The following TANGO6 variants were observed in gnomAD, a reference collection of about 807,000 sequenced individuals.
TANGO6 encodes transport and Golgi organization protein 6 homolog.
TANGO6 carries 90 observed loss-of-function variants against 114.2 expected under a neutral mutation model. The ratio of observed to expected loss-of-function variants is 0.79; its 90% CI spans 0.66 to 0.94. TANGO6 has a LOEUF of 0.94. Ranked by LOEUF, TANGO6 falls within the 40% of genes least tolerant of loss-of-function variation. The pLI, the probability that TANGO6 is intolerant of heterozygous loss-of-function variation, is 0.00. For synonymous variants in TANGO6, 477 were observed against 509.8 expected, an observed-to-expected ratio of 0.94 and a Z score of 0.87; for missense variants, 1,274 against 1,315.3, an observed-to-expected ratio of 0.97 and a Z score of 0.49.
chr16:68,959,079 G>A (rs1379750655), intron 14 of TANGO6, among the ~76,000 whole-genome samples: 4 of 152,196 alleles, frequency 2.6e-5, no homozygotes. Context: ...TATAGGCAGA[G>A]TGTTTATGTG....
At chr16:68,934,375 T>C (rs1481238406) in intron 14 of TANGO6, among the ~76,000 whole-genome samples, 1 of 152,174 alleles carries the variant, frequency 6.6e-6, no homozygotes, top group Non-Finnish European at 1.5e-5. Context: ...AAAAATTTTG[T>C]ATATCTCCTA....
chr16:68,862,764 T>C (rs1284439189), intron 2 of TANGO6, among the ~76,000 whole-genome samples, 181 bp from the exon 3 acceptor site: 1 of 152,100 alleles, frequency 6.6e-6, no homozygotes, highest in Admixed American at 6.6e-5. Flanking sequence ...GTGAGCGAGA[T>C]GGAGAGAGGA....
intron 14 of TANGO6, among the ~76,000 whole-genome samples, chr16:68,949,977 A>G (rs1180159211): frequency 6.6e-6 from 1 of 152,230 alleles, no homozygotes; most frequent in African/African-American, 2.4e-5. Flanking sequence ...GGAATGAACT[A>G]TTGATTCATA....
At chr16:69,069,451 A>T (rs758384551) in intron 17 of TANGO6, among the ~76,000 whole-genome samples, 1 of 152,214 alleles carries the variant, frequency 6.6e-6, no homozygotes, top group Non-Finnish European at 1.5e-5. Flanking sequence ...TGACAGATTC[A>T]TACCACACCT....
At chr16:68,884,647 G>T (rs950605369) in intron 7 of TANGO6, among the ~76,000 whole-genome samples, 1 of 152,086 alleles carries the variant, frequency 6.6e-6, no homozygotes, top group African/African-American at 2.4e-5. Context: ...AAGACTAATT[G>T]TGACTAAATT....
At position 69,066,371 on chromosome 16, in the gene TANGO6, T is replaced by C. The variant is rs552429996; in HGVS notation, c.3109-17114T>C. ...GTGCAATGGCGTGATCTTGGCTCGCTGCAACCTCTGCCTCCCAGGTTCAAG... is the reference window on the plus strand; with the variant it reads ...GTGCAATGGCGTGATCTTGGCTCGCCGCAACCTCTGCCTCCCAGGTTCAAG... On this transcript the variant is annotated intron_variant, in intron 17 of 17. Coordinates refer to ENST00000261778, the MANE Select transcript of TANGO6 (RefSeq NM_024562.2). Among the ~76,000 whole-genome samples, 8 of 152,296 alleles carry C rather than the reference T, an allele frequency of 5.3e-5. No homozygotes were observed. The South Asian group carries it at 1.7e-3, about 32-fold the overall frequency.
chr16:68,914,840 G>T (rs1009844924), intron 11 of TANGO6, among the ~76,000 whole-genome samples: 1 of 151,426 alleles, frequency 6.6e-6, no homozygotes, highest in African/African-American at 2.4e-5. Context: ...AGATGGCAAT[G>T]ATTGTTGGCT....
At chr16:68,984,053 A>G (rs1004368780) in intron 15 of TANGO6, among the ~76,000 whole-genome samples, 1 of 151,990 alleles carries the variant, frequency 6.6e-6, no homozygotes, top group Non-Finnish European at 1.5e-5. Context: ...AAAAAAAAAA[A>G]AGAAAAATAG....
In TANGO6 at chr16:68,843,605, T is replaced by G. The variant is rs774815240; in HGVS notation, c.-13T>G. 1 of 1,612,574 alleles carries G rather than the reference T, an allele frequency of 6.2e-7. No individual in the cohort carries two copies. The highest frequency in any genetic ancestry group is 1.7e-5 in the Admixed American group (1 of 59,954). ...GCCTGAGCGGGTCGCGAGCGTGGTG[T>G]TACACTCCAGTCATGGCGGCCCGAC... On this transcript the variant is annotated 5_prime_UTR_variant, in exon 1 of 18. Coordinates refer to ENST00000261778, the MANE Select transcript of TANGO6 (RefSeq NM_024562.2).
intron 13 of TANGO6, among the ~76,000 whole-genome samples, chr16:68,928,363 G>C (rs1963198018): frequency 7.3e-6 from 1 of 137,134 alleles, no homozygotes; most frequent in Non-Finnish European, 1.5e-5. Context: ...GGAGTGCAGT[G>C]GTGCAATCTC....
chr16:69,005,915 T>G (rs371105397), intron 15 of TANGO6, among the ~76,000 whole-genome samples: 1 of 152,240 alleles, frequency 6.6e-6, no homozygotes, highest in African/African-American at 2.4e-5. Context: ...GCAGTGTTTT[T>G]CTTGCCTCTG....
chr16:68,997,545 T>A (rs953341816), intron 15 of TANGO6, among the ~76,000 whole-genome samples: 3 of 152,246 alleles, frequency 2.0e-5, no homozygotes, highest in Non-Finnish European at 4.4e-5. Context: ...CAGTGTATAA[T>A]GAGCAGTGAG....
chr16:68,922,266 G>T (rs1054436079), intron 12 of TANGO6, among the ~76,000 whole-genome samples: 1 of 151,768 alleles, frequency 6.6e-6, no homozygotes, highest in African/African-American at 2.4e-5. Flanking sequence ...GGCCGGGCGC[G>T]GTGGCTTATG....
At chr16:68,867,526 C>T (rs1011318232) in intron 4 of TANGO6, 12 of 258,698 alleles carry the variant, frequency 4.6e-5, no homozygotes, top group African/African-American at 2.5e-4. Flanking sequence ...AAGTAAAAAC[C>T]CTAAAGTAAA....
At chr16:68,978,450 C>T (rs560887962) in intron 15 of TANGO6, among the ~76,000 whole-genome samples, 15 of 152,326 alleles carry the variant, frequency 9.8e-5, no homozygotes, top group African/African-American at 3.4e-4. Context: ...GCCTACTCTT[C>T]AGAGTGTCCA....
intron 15 of TANGO6, among the ~76,000 whole-genome samples, chr16:68,974,675 C>A (rs1034734604): frequency 1.3e-5 from 2 of 151,260 alleles, no homozygotes; most frequent in African/African-American, 2.4e-5. Context: ...ATAACAACAA[C>A]AAAAAAAACT....
At chr16:68,951,857 C>T (rs1963474837) in intron 14 of TANGO6, among the ~76,000 whole-genome samples, 1 of 152,270 alleles carries the variant, frequency 6.6e-6, no homozygotes, top group East Asian at 1.9e-4. Context: ...TGTGATCCAC[C>T]CGCCTCGGCC....
intron 5 of TANGO6, among the ~76,000 whole-genome samples, chr16:68,877,225 T>C (rs752352754): frequency 7.3e-4 from 111 of 152,104 alleles, no homozygotes; most frequent in Non-Finnish European, 9.7e-4. Flanking sequence ...ATCCCAGCAC[T>C]TTGGGAGGCT....
chr16:69,020,929 T>TGTGTGTGTGTG (rs1959394256), intron 15 of TANGO6, among the ~76,000 whole-genome samples: 1 of 142,546 alleles, frequency 7.0e-6, no homozygotes, highest in African/African-American at 2.5e-5. Context: ...TGTGTGTGTG[T>TGTGTGTGTGTG]GTGTGTGTGT....
Sources: gnomAD v4.1 joint callset for allele counts (sites outside exome capture counted in the v4.1 genomes callset) on GRCh38, gnomAD v4.1.1 for gene constraint, MANE v1.5 for transcripts, NCBI Gene and HGNC (gene_info 2026-07-23, HGNC 2026-07-21) for gene names.